Variants in PCDHGA2 observed in about 807,000 individuals in gnomAD.
PCDHGA2 encodes protocadherin gamma subfamily A, 2, also known as protocadherin gamma-A2.
A neutral mutation model predicts 59.2 loss-of-function variants in PCDHGA2; 40 were observed. The observed-to-expected ratio is 0.68, with a 90% confidence interval of 0.52 to 0.88. PCDHGA2 has a LOEUF of 0.88. Among genes scored for constraint, PCDHGA2 ranks in the 40% least tolerant of loss-of-function variants. The pLI is 0.00. For synonymous variants in PCDHGA2, 560 were observed against 526.0 expected (o/e 1.06, Z -0.89); for missense variants, 1,226 against 1,204.0 (o/e 1.02, Z -0.27).
intron 1 of PCDHGA2, chr5:141,378,642 C>T (rs780445527): frequency 5.9e-5 from 9 of 152,098 alleles, no homozygotes; most frequent in Non-Finnish European, 1.3e-4. Context: ...AATGGGAGAA[C>T]AAATGTTAAT....
intron 1 of PCDHGA2, among the ~76,000 whole-genome samples, chr5:141,475,511 A>T (rs1240718716): frequency 6.6e-6 from 1 of 152,240 alleles, no homozygotes; most frequent in African/African-American, 2.4e-5. Context: ...TAATGTCTCC[A>T]CGGAAATGCT....
In PCDHGA2 at chr5:141,385,264, G is replaced by C. The variant is rs879420336; in HGVS notation, c.2424+43869G>C. 3 of 1,613,712 alleles carry C rather than the reference G, an allele frequency of 1.9e-6. No individual in the cohort carries two copies. In the African/African-American group the frequency reaches 4.0e-5, roughly 22 times the overall value. The stretch of plus-strand genomic sequence containing the variant: ...CAGCCAGGAGAGCTGTGAGAAAAAT[G>C]ATTCTTTGCTAACATCCGTAGATTT... On this transcript the variant is annotated intron_variant, in intron 1 of 3. Transcript: ENST00000394576.
chr5:141,492,632 C>G (rs1359761285), intron 1 of PCDHGA2, among the ~76,000 whole-genome samples: 1 of 152,256 alleles, frequency 6.6e-6, no homozygotes, highest in Non-Finnish European at 1.5e-5. Flanking sequence ...CAGGACTCTA[C>G]GATCCTTGGG....
At position 141,487,254 on chromosome 5, in the gene PCDHGA2, C is replaced by T. The variant is rs1341564301; in HGVS notation, c.2425-7553C>T. On this transcript the variant is annotated intron_variant, in intron 1 of 3. Coordinates refer to ENST00000394576, the MANE Select transcript of PCDHGA2 (RefSeq NM_018915.4). The surrounding 1 kb of genome is among the most constrained non-coding windows in gnomAD (Gnocchi z 5.0). Reference sequence around the variant, plus strand: ...GAATCTCGTCTAACCCTCTACTTGGCTGTGTCCCTAGTGGCAATTTGCTTT... The same window carrying T: ...GAATCTCGTCTAACCCTCTACTTGGTTGTGTCCCTAGTGGCAATTTGCTTT... The T allele has an allele frequency of 1.2e-6, 2 of 1,614,126 alleles. No homozygotes were observed. Among genetic ancestry groups the T allele is most frequent in the East Asian group, 4.5e-5 (2 of 44,860 alleles).
chr5:141,370,558 G>A (rs1191020056), intron 1 of PCDHGA2: 3 of 1,613,818 alleles, frequency 1.9e-6, no homozygotes, highest in Admixed American at 3.3e-5. Flanking sequence ...AAGGACCTGG[G>A]GTTTGGCGTG....
In PCDHGA2 at chr5:141,404,612, G is replaced by A. The variant is rs774633321; in HGVS notation, c.2424+63217G>A. 2 of 1,614,110 alleles carry A rather than the reference G, an allele frequency of 1.2e-6. No homozygotes were observed. The highest frequency in any genetic ancestry group is 3.3e-5 in the Admixed American group (2 of 60,022). ...TGTGTCATTGAGACTGTTTGTTTTG[G>A]ACCAGAATGACAATGCCCCAGAAAT... On this transcript the variant is annotated intron_variant, in intron 1 of 3. Transcript: ENST00000394576.
intron 1 of PCDHGA2, among the ~76,000 whole-genome samples, chr5:141,456,707 G>A (rs1198079338): frequency 6.6e-6 from 1 of 152,208 alleles, no homozygotes; most frequent in African/African-American, 2.4e-5. Context: ...GCTCGCGCCT[G>A]TAATCCCAGC....
rs773383689 is a variant in PCDHGA2, at chr5:141,383,358, G to T, written c.2424+41963G>T. 5 of 1,613,982 alleles carry T rather than the reference G, an allele frequency of 3.1e-6. No individual in the cohort carries two copies. The South Asian group carries it at 3.3e-5, about 11-fold the overall frequency. ...ATACAGCTCCTGGGGTTCGGTTTCC[G>T]TTAAGCGAGGCTGGGGATCCAGATG... On this transcript the variant is annotated intron_variant, in intron 1 of 3. Transcript: ENST00000394576.
At chr5:141,372,670 A>G (rs1383646459) in intron 1 of PCDHGA2, 4 of 1,613,908 alleles carry the variant, frequency 2.5e-6, no homozygotes, top group Non-Finnish European at 3.4e-6. Flanking sequence ...GCTGCCTCAC[A>G]TTCCTCAAAC....
At chr5:141,473,635 C>A (rs945632106) in intron 1 of PCDHGA2, among the ~76,000 whole-genome samples, 1 of 152,128 alleles carries the variant, frequency 6.6e-6, no homozygotes, top group African/African-American at 2.4e-5. Flanking sequence ...AGCAGCTTTC[C>A]TGGCAAAGGA....
Position 141,476,511 on chromosome 5 carries a change from A to G in PCDHGA2, c.2425-18296A>G, listed in dbSNP as rs1562054650. Reference sequence around the variant, plus strand: ...GTGATCCAGGACATCAACGACAACAATCCTGCTTTCCCTACCCAGGAAATG... The same window carrying G: ...GTGATCCAGGACATCAACGACAACAGTCCTGCTTTCCCTACCCAGGAAATG... On this transcript the variant is annotated intron_variant, in intron 1 of 3. Transcript: ENST00000394576. The surrounding 1 kb of genome is among the most constrained non-coding windows in gnomAD (Gnocchi z 7.6). The G allele has an allele frequency of 5.0e-6, 8 of 1,613,902 alleles. No individual in the cohort carries two copies. The highest frequency in any genetic ancestry group is 6.8e-6 in the Non-Finnish European group (8 of 1,179,960).
chr5:141,419,834 A>C, intron 1 of PCDHGA2: 1 of 1,614,072 alleles, frequency 6.2e-7, no homozygotes, highest in Non-Finnish European at 8.5e-7. Context: ...AGCCACTGCC[A>C]CGCTGCACCT....
In PCDHGA2 at chr5:141,476,691, A is replaced by G; in HGVS notation, c.2425-18116A>G. 6.2e-7 allele frequency: 1 copy of G among 1,614,224 alleles called. No individual in the cohort carries two copies. Among genetic ancestry groups the G allele is most frequent in the Non-Finnish European group, 8.5e-7 (1 of 1,180,050 alleles). The stretch of plus-strand genomic sequence containing the variant: ...GTGCAGACGCGGGAGGACAGCACCA[A>G]GTACGCGGAGCTGGTGTTGGAGCGC... On this transcript the variant is annotated intron_variant, in intron 1 of 3. Transcript: ENST00000394576. This position sits in a 1 kb window ranked among gnomAD's most constrained non-coding sequence, Gnocchi z 7.6.
At chr5:141,383,774 TTCA>T in intron 1 of PCDHGA2, 1 of 1,613,980 alleles carries the variant, frequency 6.2e-7, no homozygotes, top group South Asian at 1.1e-5. Flanking sequence ...CCAAAGATGT[TTCA>T]TCTGAACTCG....
intron 1 of PCDHGA2, chr5:141,422,851 C>A (rs1459531183): frequency 1.2e-6 from 2 of 1,614,122 alleles, no homozygotes; most frequent in African/African-American, 1.3e-5. Flanking sequence ...CGGGGACCCG[C>A]CCCTCAGCAG....
intron 1 of PCDHGA2, chr5:141,387,572 T>G: frequency 2.1e-6 from 1 of 480,808 alleles, no homozygotes; most frequent in South Asian, 3.5e-5. Context: ...CAATTATAAT[T>G]ATTGCACTGG....
rs758389065 is a variant in PCDHGA2, at chr5:141,339,979, G to C, written c.1008G>C (p.Thr336=). 1 of 1,614,122 alleles carries C rather than the reference G, an allele frequency of 6.2e-7. No homozygotes were observed. Among genetic ancestry groups the C allele is most frequent in the Non-Finnish European group, 8.5e-7 (1 of 1,179,998 alleles). The change falls in exon 1 of 4, where the codon ACG becomes ACC. Residue 336 remains threonine, a synonymous_variant. Coordinates refer to ENST00000394576, the MANE Select transcript of PCDHGA2 (RefSeq NM_018915.4). ...TAACCAGAGCGAAGGTTATCGTCAC[G>C]GTTCTGGATGTGAATGACAATGCCC... ...GLLTRAKVIV[T]VLDVNDNAPE... is the part of the protein sequence containing the mutation.
intron 1 of PCDHGA2, chr5:141,422,984 G>A (rs752694873): frequency 4.5e-5 from 73 of 1,614,112 alleles, no homozygotes; most frequent in Non-Finnish European, 5.9e-5. Flanking sequence ...GCGGAACCTG[G>A]CTACCTGGTG....
chr5:141,474,505 A>G (rs2099350724), intron 1 of PCDHGA2, among the ~76,000 whole-genome samples: 2 of 152,248 alleles, frequency 1.3e-5, no homozygotes, highest in Admixed American at 6.5e-5. Context: ...AATGCCTATC[A>G]GCCCTCTTGC....
Sources: allele counts gnomAD v4.1 joint callset (sites outside exome capture counted in the v4.1 genomes callset), GRCh38; gene constraint gnomAD v4.1.1; non-coding constraint Gnocchi (gnomAD v3.1); transcripts MANE v1.5; gene names NCBI Gene and HGNC (gene_info 2026-07-23, HGNC 2026-07-21).